The following UNC13C variants were observed in gnomAD, a reference collection of about 807,000 sequenced individuals.
UNC13C encodes the protein unc-13 homolog C.
Under a neutral mutation model 245.4 loss-of-function variants are expected in UNC13C, and 174 were observed. That is an observed-to-expected ratio of 0.71 (90% CI 0.63 to 0.80). The LOEUF is 0.80. Ranked by LOEUF, UNC13C falls within the 30% of genes least tolerant of loss-of-function variation. UNC13C has a pLI of 0.00. For synonymous variants in UNC13C, 992 were observed against 895.1 expected (o/e 1.11, Z -1.93); for missense variants, 2,829 against 2,602.9 (o/e 1.09, Z -1.89).
the UNC13C span, among the ~76,000 whole-genome samples, chr15:53,918,615 T>C: frequency 6.6e-6 from 1 of 152,316 alleles, no homozygotes; most frequent in South Asian, 2.1e-4. Flanking sequence ...CCCGTTCTTG[T>C]AGCTGATATT....
chr15:54,011,079 C>A (rs992777460), intron 1 of UNC13C, among the ~76,000 whole-genome samples: 1 of 151,676 alleles, frequency 6.6e-6, no homozygotes, highest in Non-Finnish European at 1.5e-5. Flanking sequence ...ATAGTGAGGG[C>A]TGGATAATGA....
intron 19 of UNC13C, among the ~76,000 whole-genome samples, chr15:54,472,349 C>T (rs553979373): frequency 2.0e-5 from 3 of 151,648 alleles, no homozygotes; most frequent in East Asian, 1.9e-4. Context: ...ACAGTTTTGC[C>T]TTTTAAACTT....
At chr15:54,560,818 A>C (rs531363583) in intron 29 of UNC13C, among the ~76,000 whole-genome samples, 2 of 152,030 alleles carry the variant, frequency 1.3e-5, no homozygotes, top group Admixed American at 6.6e-5. Flanking sequence ...TATGGAAATA[A>C]TACTACTACT....
intron 24 of UNC13C, among the ~76,000 whole-genome samples, chr15:54,517,056 C>T (rs1014564175): frequency 3.3e-5 from 5 of 151,798 alleles, no homozygotes; most frequent in African/African-American, 9.7e-5. Flanking sequence ...AAGATTCTGG[C>T]CTTTATGCTT....
intron 30 of UNC13C, among the ~76,000 whole-genome samples, chr15:54,569,391 T>C (rs1389386681): frequency 6.6e-6 from 1 of 151,718 alleles, no homozygotes. Context: ...CTCTAGAGTA[T>C]GTAGAATATG....
the UNC13C span, among the ~76,000 whole-genome samples, chr15:53,971,889 C>T: frequency 1.3e-5 from 2 of 151,790 alleles, no homozygotes; most frequent in African/African-American, 4.8e-5. Context: ...ATTTTTAAGT[C>T]ATTTGGTTTT....
chr15:53,945,339 A>G, the UNC13C span, among the ~76,000 whole-genome samples: 2,157 of 152,214 alleles, frequency 0.014, 48 homozygotes, highest in African/African-American at 0.05. Flanking sequence ...TCAGAATGGT[A>G]TTGCCTAGGT....
intron 2 of UNC13C, among the ~76,000 whole-genome samples, chr15:54,058,770 T>A (rs1357985673): frequency 2.6e-5 from 4 of 152,084 alleles, no homozygotes; most frequent in Non-Finnish European, 5.9e-5. Flanking sequence ...ACCATGATCA[T>A]GTGGGCTTCA....
At chr15:53,962,379 A>T in the UNC13C span, among the ~76,000 whole-genome samples, 1 of 151,972 alleles carries the variant, frequency 6.6e-6, no homozygotes, top group African/African-American at 2.4e-5. Context: ...AATACTGGTG[A>T]TATTTGAGTA....
intron 17 of UNC13C, among the ~76,000 whole-genome samples, chr15:54,371,956 G>A (rs12911319): frequency 0.19 from 29,633 of 151,982 alleles, 2,933 homozygotes; most frequent in Middle Eastern, 0.23. Context: ...GGAGATTGGG[G>A]AGATCATGTC....
intron 4 of UNC13C, among the ~76,000 whole-genome samples, chr15:54,191,760 G>C (rs2034191334): frequency 6.6e-6 from 1 of 152,082 alleles, no homozygotes; most frequent in Non-Finnish European, 1.5e-5. Flanking sequence ...GGCATGAGAT[G>C]GTGTCTCATT....
At chr15:54,058,358 C>T (rs2141069649) in intron 2 of UNC13C, among the ~76,000 whole-genome samples, 1 of 152,252 alleles carries the variant, frequency 6.6e-6, no homozygotes, top group East Asian at 1.9e-4. Flanking sequence ...ACTAGAAAAG[C>T]TAGAAGGAAT....
intron 17 of UNC13C, among the ~76,000 whole-genome samples, chr15:54,344,002 A>G (rs2038800074): frequency 6.6e-6 from 1 of 152,226 alleles, no homozygotes; most frequent in African/African-American, 2.4e-5. Flanking sequence ...ATCAGATACC[A>G]AAGTGTGATC....
intron 29 of UNC13C, among the ~76,000 whole-genome samples, chr15:54,564,723 A>C (rs1346459245): frequency 6.6e-6 from 1 of 151,980 alleles, no homozygotes; most frequent in African/African-American, 2.4e-5. Flanking sequence ...GCAACAAGGT[A>C]TATTAATAAA....
chr15:54,087,108 G>A (rs925831545), intron 2 of UNC13C, among the ~76,000 whole-genome samples: 2 of 152,020 alleles, frequency 1.3e-5, no homozygotes, highest in Non-Finnish European at 2.9e-5. Context: ...ACTGGACATT[G>A]AACATACATG....
chr15:54,345,528 A>G (rs34270881), intron 17 of UNC13C, among the ~76,000 whole-genome samples: 7,233 of 152,310 alleles, frequency 0.047, 251 homozygotes, highest in Admixed American at 0.11. Context: ...TGCAGATGGC[A>G]TAGCTACCAG....
chr15:54,108,279 A>C (rs1900557475), intron 2 of UNC13C, among the ~76,000 whole-genome samples: 1 of 151,966 alleles, frequency 6.6e-6, no homozygotes, highest in Non-Finnish European at 1.5e-5. Flanking sequence ...CTCCGCCTCC[A>C]GGGTTCAAGC....
intron 19 of UNC13C, among the ~76,000 whole-genome samples, chr15:54,442,250 C>CTTTTTT (rs35414078): frequency 3.1e-5 from 4 of 127,440 alleles, no homozygotes; most frequent in Non-Finnish European, 4.9e-5. Context: ...TGTTCCAGTT[C>CTTTTTT]TTTTTTTTTT....
At chr15:53,980,694 A>G (rs1348124453) in intron 1 of UNC13C, among the ~76,000 whole-genome samples, 2 of 152,162 alleles carry the variant, frequency 1.3e-5, no homozygotes, top group Non-Finnish European at 2.9e-5. Flanking sequence ...TTAGACCTCC[A>G]TTAAAGAAAT....
Sources: gnomAD v4.1 joint callset for allele counts (sites outside exome capture counted in the v4.1 genomes callset) on GRCh38, gnomAD v4.1.1 for gene constraint, MANE v1.5 for transcripts, NCBI Gene and HGNC (gene_info 2026-07-23, HGNC 2026-07-21) for gene names.